CELSR1: variants seen among roughly 807,000 people sequenced by gnomAD.
CELSR1 encodes the protein adhesion G protein-coupled receptor C1.
A neutral mutation model predicts 249.1 loss-of-function variants in CELSR1; 110 were observed. The ratio of observed to expected loss-of-function variants is 0.44; its 90% CI spans 0.38 to 0.52. CELSR1 has a LOEUF of 0.52. CELSR1 is among the 20% of genes least tolerant of loss of function. CELSR1 has a pLI of 0.00. For missense variants in CELSR1, 4,109 were observed against 4,296.4 expected, an observed-to-expected ratio of 0.96 and a Z score of 1.22; for synonymous variants, 2,113 against 1,900.0, an observed-to-expected ratio of 1.11 and a Z score of -2.92.
At chr22:46,513,109 C>A (rs2147771011) in intron 1 of CELSR1, among the ~76,000 whole-genome samples, 1 of 152,294 alleles carries the variant, frequency 6.6e-6, no homozygotes, top group South Asian at 2.1e-4. Flanking sequence ...AACCCGCGAC[C>A]ACCATCACGG....
At chr22:46,404,848 CAGTTTCGCT>C (rs1418449697) in intron 9 of CELSR1, among the ~76,000 whole-genome samples, 4 of 151,900 alleles carry the variant, frequency 2.6e-5, no homozygotes, top group African/African-American at 9.7e-5. Context: ...TTTTTTGAGA[CAGTTTCGCT>C]CTTGTTACCC....
chr22:46,424,379 T>G (rs1362363496), intron 5 of CELSR1, among the ~76,000 whole-genome samples: 3 of 152,172 alleles, frequency 2.0e-5, no homozygotes, highest in African/African-American at 7.2e-5. Context: ...ACACCTGGCC[T>G]GAAAGTTATT....
chr22:46,434,897 T>C lies in CELSR1; in HGVS notation c.4522+1277A>G, dbSNP rs1175279205. Among the ~76,000 whole-genome samples, 1 of 152,058 alleles carries C rather than the reference T, an allele frequency of 6.6e-6. No individual in the cohort carries two copies. The highest frequency in any genetic ancestry group is 1.5e-5 in the Non-Finnish European group (1 of 68,022). On this transcript the variant is annotated intron_variant, in intron 4 of 34. Transcript: ENST00000674500. The surrounding 1 kb of genome is among the most constrained non-coding windows in gnomAD (Gnocchi z 4.9). The stretch of plus-strand genomic sequence containing the variant: ...CTGTATTCCCAGCTACTGGAGAGGC[T>C]GAGGCATGAGAATCGCTTGAACCTG...
intron 1 of CELSR1, among the ~76,000 whole-genome samples, chr22:46,519,097 G>A (rs758415079): frequency 7.2e-5 from 11 of 151,980 alleles, no homozygotes; most frequent in South Asian, 4.1e-4. Context: ...TGCACGACCC[G>A]GAAAACATGA....
At chr22:46,533,531 T>A in intron 1 of CELSR1, 96 bp downstream of exon 1, 1 of 1,479,896 alleles carries the variant, frequency 6.8e-7, no homozygotes, top group Non-Finnish European at 9.0e-7. Flanking sequence ...CCGGCCCAAT[T>A]GCGCCCCGGC....
rs1036206082 is a variant in CELSR1, at chr22:46,517,464, G to A, written c.3544+16163C>T. On this transcript the variant is annotated intron_variant, in intron 1 of 34. Transcript: ENST00000674500. This position sits in a 1 kb window ranked among gnomAD's most constrained non-coding sequence, Gnocchi z 5.4. ...TGTCATCTTCCACGGGGCACAAGGC[G>A]GTATCTGGAGGGTAGAACCACAATG... 3.9e-5 allele frequency among the ~76,000 whole-genome samples: 6 copies of A among 152,152 alleles called. No individual in the cohort carries two copies. Among genetic ancestry groups the A allele is most frequent in the Non-Finnish European group, 7.4e-5 (5 of 68,012 alleles).
chr22:46,394,589 G>A (rs2079128828), intron 13 of CELSR1, among the ~76,000 whole-genome samples: 1 of 152,230 alleles, frequency 6.6e-6, no homozygotes. Context: ...TGCAGCCCCA[G>A]GCAGACTGAG....
rs2079297645 is a variant in CELSR1 at position 46,408,899 on chromosome 22, A to G, written c.5226+97T>C. The G allele has an allele frequency of 2.1e-6, 2 of 971,774 alleles. No homozygotes were observed. Among genetic ancestry groups the G allele is most frequent in the South Asian group, 1.9e-5 (1 of 51,994 alleles). 60.2% of individuals were successfully genotyped at this position (971,774 alleles called of 1,614,324 possible). On this transcript the variant is annotated intron_variant, in intron 9 of 34. Coordinates refer to ENST00000674500, the MANE Select transcript of CELSR1 (RefSeq NM_001378328.1). This position sits in a 1 kb window ranked among gnomAD's most constrained non-coding sequence, Gnocchi z 4.6. ...GGCGGGCGCCGGAGGAAGGGCGAGTAGCAGGTGCCCGAGTGTGCACCAGGA... is the reference window on the plus strand; with the variant it reads ...GGCGGGCGCCGGAGGAAGGGCGAGTGGCAGGTGCCCGAGTGTGCACCAGGA...
At chr22:46,489,102 C>A (rs949376939) in intron 1 of CELSR1, among the ~76,000 whole-genome samples, 1 of 152,176 alleles carries the variant, frequency 6.6e-6, no homozygotes, top group Admixed American at 6.5e-5. Flanking sequence ...CAAAGAATAA[C>A]TGCAATTCAG....
At chr22:46,486,261 C>T (rs1351006289) in intron 1 of CELSR1, among the ~76,000 whole-genome samples, 2 of 150,910 alleles carry the variant, frequency 1.3e-5, no homozygotes, top group Non-Finnish European at 3.0e-5. Flanking sequence ...TAAAGTCATG[C>T]ATCAAGGCCG....
intron 1 of CELSR1, among the ~76,000 whole-genome samples, chr22:46,508,270 C>T (rs920419759): frequency 6.6e-6 from 1 of 151,616 alleles, no homozygotes; most frequent in Non-Finnish European, 1.5e-5. Context: ...CAGAAGCCAG[C>T]CCTGCTCGTC....
At position 46,393,416 on chromosome 22, in the gene CELSR1, T is replaced by C. The variant is rs2079114885; in HGVS notation, c.5964+726A>G. Among the ~76,000 whole-genome samples the C allele has an allele frequency of 1.3e-5, 2 of 152,218 alleles. No individual in the cohort carries two copies. The highest frequency in any genetic ancestry group is 4.8e-5 in the African/African-American group (2 of 41,464). On this transcript the variant is annotated intron_variant, in intron 14 of 34. Coordinates refer to ENST00000674500, the MANE Select transcript of CELSR1 (RefSeq NM_001378328.1). This position sits in a 1 kb window ranked among gnomAD's most constrained non-coding sequence, Gnocchi z 4.1. ...GTGACACTTTCTATTTTAAAACTGC[T>C]GTCATCATGGGACACCAGCTTGGTA...
At chr22:46,421,276 C>G (rs16995226) in intron 5 of CELSR1, among the ~76,000 whole-genome samples, 9,930 of 151,800 alleles carry the variant, frequency 0.065, 1,045 homozygotes, top group African/African-American at 0.23. Context: ...CAGTGCATCT[C>G]AGAGCCCCAG....
At chr22:46,444,564 T>C (rs1047378237) in intron 2 of CELSR1, among the ~76,000 whole-genome samples, 1 of 152,186 alleles carries the variant, frequency 6.6e-6, no homozygotes, top group African/African-American at 2.4e-5. Context: ...CTCCATGGAA[T>C]TGTTGGTTTG....
Position 46,411,910 on chromosome 22 carries a change from A to G in CELSR1, c.4612-151T>C. The G allele has an allele frequency of 1.1e-6, 1 of 948,096 alleles. No homozygotes were observed. Among genetic ancestry groups the G allele is most frequent in the South Asian group, 1.5e-5 (1 of 65,210 alleles). The allele number at this position is 948,096 out of a possible 1,614,324, so 58.7% of individuals were successfully genotyped here. ...GGAGCCCCCGGCCTTTAGTTCCCCA[A>G]ACTAGCTGTGCTGGGCTGCTCAATG... On this transcript the variant is annotated intron_variant, in intron 5 of 34. Transcript: ENST00000674500. This position sits in a 1 kb window ranked among gnomAD's most constrained non-coding sequence, Gnocchi z 4.2.
intron 1 of CELSR1, among the ~76,000 whole-genome samples, chr22:46,486,049 T>C (rs2080310297): frequency 2.7e-5 from 4 of 149,722 alleles, no homozygotes. Flanking sequence ...GCCATTCTCC[T>C]GCCTCAGCCT....
Position 46,536,378 on chromosome 22 carries a change from G to A in CELSR1, c.793C>T (p.Leu265Phe), listed in dbSNP as rs2080855983. ...FENEPAGTLI[L>F]QLHAHYTIEG... is the part of the protein sequence containing the mutation. ...ATGGTGTAGTGCGCGTGCAGCTGGA[G>A]GATGAGGGTGCCCGCCGGTTCGTTC... Residue 265 changes from leucine (L) to phenylalanine (F), a missense_variant, in exon 1 of 35, where the codon CTC becomes TTC. Around this residue, in one of 7 missense-constraint regions of CELSR1, gnomAD observed 673 missense variants for 636.8 expected, o/e 1.06. Transcript: ENST00000674500. 6.2e-7 allele frequency: 1 copy of A among 1,612,310 alleles called. No individual in the cohort carries two copies. Among genetic ancestry groups the A allele is most frequent in the Non-Finnish European group, 8.5e-7 (1 of 1,179,510 alleles).
Position 46,535,989 on chromosome 22 carries a change from C to A in CELSR1, c.1182G>T (p.Gly394=). 1.2e-6 allele frequency: 2 copies of A among 1,610,828 alleles called. No homozygotes were observed. The highest frequency in any genetic ancestry group is 2.2e-5 in the South Asian group (2 of 91,080). ...TGAGCTGGAAGACGTCCCACGCGCC[C>A]CCCAACACGCGGTAACGCAAGTTGG... ...INANLRYRVL[G]GAWDVFQLNE... is the part of the protein sequence containing the mutation. Residue 394 remains glycine (G), a synonymous_variant, in exon 1 of 35, where the codon GGG becomes GGT. Transcript: ENST00000674500.
At chr22:46,366,759 C>T (rs532711227) in intron 29 of CELSR1, among the ~76,000 whole-genome samples, 2 of 152,204 alleles carry the variant, frequency 1.3e-5, no homozygotes, top group South Asian at 4.1e-4. Context: ...TCCTGACCCT[C>T]TCTTTCTAAG....
Sources: gnomAD v4.1 joint callset for allele counts (sites outside exome capture counted in the v4.1 genomes callset) on GRCh38, gnomAD v4.1.1 for gene constraint, gnomAD v4.1.1 regional missense constraint, Gnocchi (gnomAD v3.1) non-coding constraint, MANE v1.5 for transcripts, NCBI Gene and HGNC (gene_info 2026-07-23, HGNC 2026-07-21) for gene names.